Variants in DOK5 observed in about 807,000 individuals in gnomAD.
The protein encoded by DOK5 is docking protein 5, also known as downstream of tyrosine kinase 5.
Under a neutral mutation model 43.3 loss-of-function variants are expected in DOK5, and 27 were observed. That is an observed-to-expected ratio of 0.62 (90% CI 0.46 to 0.86). The LOEUF is 0.86. Ranked by LOEUF, DOK5 falls within the 40% of genes least tolerant of loss-of-function variation. The probability of loss-of-function intolerance (pLI) is 0.00; values close to 1 mark genes in which losing one functional copy is unlikely to be tolerated. For missense variants in DOK5, 373 were observed against 392.9 expected (o/e 0.95, Z 0.43); for synonymous variants, 146 against 140.1 (o/e 1.04, Z -0.30).
intron 1 of DOK5, among the ~76,000 whole-genome samples, chr20:54,499,781 C>T (rs1320971167): frequency 5.3e-5 from 8 of 152,168 alleles, no homozygotes; most frequent in African/African-American, 1.7e-4. Context: ...ATCTGGGATT[C>T]AATGGAATCT....
intron 5 of DOK5, among the ~76,000 whole-genome samples, chr20:54,593,652 C>G (rs1271287483): frequency 1.3e-5 from 2 of 152,060 alleles, no homozygotes; most frequent in Non-Finnish European, 2.9e-5. Flanking sequence ...CACAGGGAGA[C>G]CCCATCTCTC....
At chr20:54,563,113 C>G (rs552174137) in intron 2 of DOK5, among the ~76,000 whole-genome samples, 1 of 152,264 alleles carries the variant, frequency 6.6e-6, no homozygotes, top group Admixed American at 6.5e-5. Flanking sequence ...GCCACCAGAC[C>G]GTAGGATAGA....
intron 1 of DOK5, among the ~76,000 whole-genome samples, chr20:54,505,896 C>T (rs577532747): frequency 6.6e-6 from 1 of 152,160 alleles, no homozygotes; most frequent in Non-Finnish European, 1.5e-5. Context: ...AGAGGAGAGA[C>T]CTGAAGATGC....
At chr20:54,621,259 CTTTG>C (rs1292661933) in intron 6 of DOK5, among the ~76,000 whole-genome samples, 1 of 152,068 alleles carries the variant, frequency 6.6e-6, no homozygotes, top group Non-Finnish European at 1.5e-5. Context: ...ATGTCTTTCT[CTTTG>C]TTTAACAGTT....
rs1465568131 is a variant in DOK5, at chr20:54,613,891, G to A, written c.735+3368G>A. 2.0e-5 allele frequency among the ~76,000 whole-genome samples: 3 copies of A among 151,972 alleles called. No homozygotes were observed. The East Asian group carries it at 5.8e-4, about 29-fold the overall frequency. The stretch of plus-strand genomic sequence containing the variant: ...TGCCTGTCCTCCCAGCTACTCAGGA[G>A]GCTGAGGCAGGAGGATACTTTGGCC... On this transcript the variant is annotated intron_variant, in intron 6 of 7. Coordinates refer to ENST00000262593, the MANE Select transcript of DOK5 (RefSeq NM_018431.5).
At chr20:54,576,892 C>T (rs968569639) in intron 2 of DOK5, among the ~76,000 whole-genome samples, 4 of 152,210 alleles carry the variant, frequency 2.6e-5, no homozygotes, top group East Asian at 1.9e-4. Flanking sequence ...TTCGTTTTTT[C>T]GCATTTCCAA....
chr20:54,556,605 C>T (rs1309831572), intron 2 of DOK5, among the ~76,000 whole-genome samples: 2 of 152,180 alleles, frequency 1.3e-5, no homozygotes, highest in Non-Finnish European at 2.9e-5. Context: ...GGATGACTTG[C>T]TTTATTTTTG....
At chr20:54,572,466 C>G (rs1985314451) in intron 2 of DOK5, among the ~76,000 whole-genome samples, 1 of 151,918 alleles carries the variant, frequency 6.6e-6, no homozygotes, top group African/African-American at 2.4e-5. Context: ...CCGGCCGCAA[C>G]ATTCTTATAT....
intron 2 of DOK5, among the ~76,000 whole-genome samples, chr20:54,582,528 T>A (rs1985676443): frequency 6.6e-6 from 1 of 151,548 alleles, no homozygotes; most frequent in Non-Finnish European, 1.5e-5. Flanking sequence ...ATTTCTTTGT[T>A]GGAAGATTTA....
chr20:54,508,460 A>G (rs1982895726), intron 1 of DOK5, among the ~76,000 whole-genome samples: 1 of 150,754 alleles, frequency 6.6e-6, no homozygotes, highest in South Asian at 2.1e-4. Flanking sequence ...GCAGGAGCTT[A>G]TATCTGGAGG....
chr20:54,495,052 G>A (rs1982337349), intron 1 of DOK5: 2 of 151,024 alleles, frequency 1.3e-5, no homozygotes. Flanking sequence ...TTCGTAAAAT[G>A]GAAATTTGGT....
chr20:54,524,842 T>C (rs1407704855), intron 1 of DOK5, among the ~76,000 whole-genome samples: 1 of 152,224 alleles, frequency 6.6e-6, no homozygotes, highest in Non-Finnish European at 1.5e-5. Context: ...TCTATGCCAG[T>C]CTTTCTTTAA....
chr20:54,573,148 G>A lies in DOK5; in HGVS notation c.175-15335G>A, dbSNP rs116044457. ...GGAATAGAGGATAGGAAGTATGGAA[G>A]GAGAGGGTTGCAGTTTTAAGCAGAA... On this transcript the variant is annotated intron_variant, in intron 2 of 7. Coordinates refer to ENST00000262593, the MANE Select transcript of DOK5 (RefSeq NM_018431.5). Among the ~76,000 whole-genome samples, 1,106 of 152,296 alleles carry A rather than the reference G, an allele frequency of 7.3e-3. 13 individuals carry two copies. Among genetic ancestry groups the A allele is most frequent in the African/African-American group, 0.025 (1,045 of 41,562 alleles).
chr20:54,604,680 G>A (rs1365738786), intron 5 of DOK5, among the ~76,000 whole-genome samples: 1 of 152,016 alleles, frequency 6.6e-6, no homozygotes, highest in Non-Finnish European at 1.5e-5. Context: ...CCTTGGCAGG[G>A]GTAGGGAAAA....
chr20:54,564,577 C>T (rs1049362571), intron 2 of DOK5, among the ~76,000 whole-genome samples: 2 of 151,906 alleles, frequency 1.3e-5, no homozygotes, highest in Non-Finnish European at 2.9e-5. Context: ...GTTTTATATG[C>T]CAGAATGACA....
At chr20:54,528,201 C>T (rs1450770643) in intron 1 of DOK5, among the ~76,000 whole-genome samples, 3 of 152,002 alleles carry the variant, frequency 2.0e-5, no homozygotes, top group Admixed American at 6.6e-5. Flanking sequence ...AATGAAACTC[C>T]GTCTCAAAAC....
intron 6 of DOK5, among the ~76,000 whole-genome samples, chr20:54,621,076 T>C (rs1600743309): frequency 6.6e-6 from 1 of 152,234 alleles, no homozygotes; most frequent in East Asian, 1.9e-4. Context: ...GTAAAGGAAA[T>C]GAATGGATAT....
intron 1 of DOK5, among the ~76,000 whole-genome samples, chr20:54,483,556 G>T (rs1981811870): frequency 6.6e-6 from 1 of 152,284 alleles, no homozygotes; most frequent in Admixed American, 6.5e-5. Flanking sequence ...GTGAAAAGAT[G>T]CCTGAGGATA....
chr20:54,603,940 ATTTTTTTTTTTTT>A (rs35690531), intron 5 of DOK5, among the ~76,000 whole-genome samples: 1 of 76,274 alleles, frequency 1.3e-5, no homozygotes, highest in Non-Finnish European at 2.4e-5. Flanking sequence ...TTCAAACTGT[ATTTTTTTTTTTTT>A]TTTTTTTTTT....
Sources: gnomAD v4.1 joint callset for allele counts (sites outside exome capture counted in the v4.1 genomes callset) on GRCh38, gnomAD v4.1.1 for gene constraint, MANE v1.5 for transcripts, NCBI Gene and HGNC (gene_info 2026-07-23, HGNC 2026-07-21) for gene names.